The following NAA60 variants were observed in gnomAD, a reference collection of about 807,000 sequenced individuals.
NAA60 encodes N-alpha-acetyltransferase 60.
NAA60 carries 8 observed loss-of-function variants against 26.1 expected under a neutral mutation model. That is an observed-to-expected ratio of 0.31 (90% CI 0.18 to 0.55). NAA60 has a LOEUF of 0.55. NAA60 is among the 20% of genes least tolerant of loss of function. The pLI, the probability that NAA60 is intolerant of heterozygous loss-of-function variation, is 0.93. For missense variants in NAA60, 290 were observed against 311.3 expected, an observed-to-expected ratio of 0.93 and a Z score of 0.51; for synonymous variants, 131 against 122.5, an observed-to-expected ratio of 1.07 and a Z score of -0.46.
intron 6 of NAA60, 38 bp from the exon 7 acceptor site, chr16:3,484,661 G>A: frequency 6.4e-7 from 1 of 1,562,872 alleles, no homozygotes; most frequent in Non-Finnish European, 8.7e-7. Flanking sequence ...GGCGAGCGTG[G>A]TCAGGGCAAG....
chr16:3,473,505 C>T (rs2150997213), intron 2 of NAA60, among the ~76,000 whole-genome samples: 1 of 152,314 alleles, frequency 6.6e-6, no homozygotes, highest in Non-Finnish European at 1.5e-5. Context: ...TATCTCCCAC[C>T]AGGTCCCTCC....
chr16:3,481,554 C>G (rs1038546575), intron 4 of NAA60, among the ~76,000 whole-genome samples: 1 of 152,158 alleles, frequency 6.6e-6, no homozygotes, highest in Non-Finnish European at 1.5e-5. Flanking sequence ...TGTGTTCCCT[C>G]GAGGCCGACA....
intron 2 of NAA60, among the ~76,000 whole-genome samples, chr16:3,474,155 T>C (rs925936664): frequency 1.3e-5 from 2 of 152,202 alleles, no homozygotes; most frequent in South Asian, 2.1e-4. Context: ...AAGCTGAGCA[T>C]GAACTACTTG....
At chr16:3,457,207 A>T (rs2035036308) in intron 2 of NAA60, among the ~76,000 whole-genome samples, 1 of 152,166 alleles carries the variant, frequency 6.6e-6, no homozygotes, top group South Asian at 2.1e-4. Flanking sequence ...GTATTTTAAG[A>T]GGCCCAGGCG....
intron 2 of NAA60, among the ~76,000 whole-genome samples, chr16:3,454,293 A>G (rs953436747): frequency 6.6e-6 from 1 of 152,150 alleles, no homozygotes; most frequent in Non-Finnish European, 1.5e-5. Flanking sequence ...ACACTGCAGG[A>G]GCCTGCTGGC....
intron 2 of NAA60, chr16:3,450,023 A>G (rs1384718003): frequency 5.4e-6 from 2 of 369,748 alleles, no homozygotes; most frequent in Non-Finnish European, 4.7e-6. Context: ...AGACTAATAC[A>G]TCGTCTCAAA....
chr16:3,485,358 A>C (rs2037099608), intron 7 of NAA60, 109 bp from the exon 8 acceptor site: 1 of 477,286 alleles, frequency 2.1e-6, no homozygotes, highest in Non-Finnish European at 4.1e-6. Flanking sequence ...AGAAGGGCTC[A>C]TGCTCCTGGA....
chr16:3,470,505 A>G (rs184969119), intron 2 of NAA60, among the ~76,000 whole-genome samples: 4 of 152,308 alleles, frequency 2.6e-5, no homozygotes, highest in South Asian at 2.1e-4. Context: ...TCTCCCTCCA[A>G]CCAGCTCCAC....
At chr16:3,475,316 C>G (rs1218960819) in intron 2 of NAA60, among the ~76,000 whole-genome samples, 7 of 152,148 alleles carry the variant, frequency 4.6e-5, no homozygotes, top group Non-Finnish European at 5.9e-5. Flanking sequence ...TCCTGAACTC[C>G]TGACCTCAGG....
At chr16:3,449,951 T>G in intron 2 of NAA60, 2 of 398,086 alleles carry the variant, frequency 5.0e-6, no homozygotes, top group Non-Finnish European at 8.9e-6. Flanking sequence ...GTAAGTCCAT[T>G]AAACCTCTTT....
At chr16:3,451,915 C>G (rs1444849845) in intron 2 of NAA60, among the ~76,000 whole-genome samples, 1 of 149,254 alleles carries the variant, frequency 6.7e-6, no homozygotes, top group African/African-American at 2.5e-5. Context: ...AAGACCCTGT[C>G]TCAAAAAAAA....
chr16:3,444,734 C>G (rs1298713472), intron 1 of NAA60, among the ~76,000 whole-genome samples: 1 of 152,108 alleles, frequency 6.6e-6, no homozygotes, highest in Non-Finnish European at 1.5e-5. Flanking sequence ...CATCAAGGTC[C>G]CAGTGCTTCT....
rs61315716 is a variant in NAA60, at chr16:3,467,291, G to C, written c.-6-8931G>C. On this transcript the variant is annotated intron_variant, in intron 2 of 7. Transcript: ENST00000407558. ...GGTCTGGGAGCATGTTAGGGGCTCA[G>C]AGTGCAGGTAGGGACTGGCAGGGAG... Among the ~76,000 whole-genome samples the C allele has an allele frequency of 2.6e-5, 4 of 152,186 alleles. No individual in the cohort carries two copies. The South Asian group carries it at 6.2e-4, about 24-fold the overall frequency.
chr16:3,443,764 G>A lies in NAA60; in HGVS notation c.-150G>A. 1.3e-6 allele frequency: 2 copies of A among 1,533,564 alleles called. No homozygotes were observed. The highest frequency in any genetic ancestry group is 1.2e-5 in the South Asian group (1 of 83,882). 95.0% of individuals were successfully genotyped at this position (1,533,564 alleles called of 1,614,324 possible). A position where few individuals can be genotyped will look rare whatever the true frequency, so the allele number is the denominator to read the frequency against. ...AGTCTTAGGGTGACCCCAGGGGGAC[G>A]TAATGTTTCCGAGAAGAAGGACAGA... On this transcript the variant is annotated 5_prime_UTR_variant, in exon 1 of 8. Transcript: ENST00000407558.
chr16:3,450,399 A>T (rs1444323017), intron 2 of NAA60, among the ~76,000 whole-genome samples: 1 of 152,102 alleles, frequency 6.6e-6, no homozygotes, highest in African/African-American at 2.4e-5. Flanking sequence ...TTTCTGGGTG[A>T]GTCAGGAAAG....
At chr16:3,462,461 T>A (rs2150969162) in intron 2 of NAA60, 1 of 152,364 alleles carries the variant, frequency 6.6e-6, no homozygotes, top group South Asian at 2.1e-4. Context: ...CAGAGATTAT[T>A]CTTTCCAGAG....
At chr16:3,454,289 C>T (rs546097278) in intron 2 of NAA60, among the ~76,000 whole-genome samples, 2 of 152,294 alleles carry the variant, frequency 1.3e-5, no homozygotes, top group African/African-American at 4.8e-5. Flanking sequence ...CGCTACACTG[C>T]AGGAGCCTGC....
intron 2 of NAA60, among the ~76,000 whole-genome samples, chr16:3,451,122 G>A (rs180870825): frequency 3.3e-4 from 51 of 152,276 alleles, no homozygotes; most frequent in Non-Finnish European, 5.9e-4. Context: ...TTGTAATCAC[G>A]TAACTCCTCA....
chr16:3,460,169 C>A (rs2035288291), intron 2 of NAA60, among the ~76,000 whole-genome samples: 1 of 152,164 alleles, frequency 6.6e-6, no homozygotes, highest in African/African-American at 2.4e-5. Context: ...CCTTGCTCTG[C>A]TGAAATAGCC....
Sources: allele counts gnomAD v4.1 joint callset (sites outside exome capture counted in the v4.1 genomes callset), GRCh38; gene constraint gnomAD v4.1.1; transcripts MANE v1.5; gene names NCBI Gene and HGNC (gene_info 2026-07-23, HGNC 2026-07-21).